The following GRIN3A variants were observed in gnomAD, a reference collection of about 807,000 sequenced individuals.
GRIN3A encodes glutamate receptor ionotropic, NMDA 3A.
Under a neutral mutation model 92.4 loss-of-function variants are expected in GRIN3A, and 47 were observed. The observed-to-expected ratio is 0.51, with a 90% CI of 0.40 to 0.65. The LOEUF (loss-of-function observed/expected upper bound fraction) is 0.65. Ranked by LOEUF, GRIN3A falls within the 30% of genes least tolerant of loss-of-function variation. The probability of loss-of-function intolerance (pLI) is 0.00; values close to 1 mark genes in which losing one functional copy is unlikely to be tolerated. For synonymous variants in GRIN3A, 527 were observed against 540.6 expected, an observed-to-expected ratio of 0.97 and a Z score of 0.35; for missense variants, 1,324 against 1,393.1, an observed-to-expected ratio of 0.95 and a Z score of 0.79.
chr9:101,689,730 GCACACACACACATACA>G (rs1829589275), intron 1 of GRIN3A, among the ~76,000 whole-genome samples: 1 of 138,930 alleles, frequency 7.2e-6, no homozygotes, highest in African/African-American at 2.6e-5. Context: ...GCATACACAT[GCACACACACACATACA>G]CACACACACA....
chr9:101,592,322 C>G (rs1828040674), intron 6 of GRIN3A: 1 of 152,138 alleles, frequency 6.6e-6, no homozygotes, highest in African/African-American at 2.4e-5. Context: ...GTCTCCTTTA[C>G]ATATTGATCT....
At chr9:101,588,319 T>C (rs1827974818) in intron 6 of GRIN3A, among the ~76,000 whole-genome samples, 1 of 152,192 alleles carries the variant, frequency 6.6e-6, no homozygotes, top group African/African-American at 2.4e-5. Flanking sequence ...AGGGAGACAC[T>C]GCATGAGCCT....
intron 3 of GRIN3A, among the ~76,000 whole-genome samples, chr9:101,647,534 T>G (rs1263636357): frequency 6.6e-6 from 1 of 152,006 alleles, no homozygotes; most frequent in Non-Finnish European, 1.5e-5. Context: ...AATTATTTCC[T>G]TCTCTTCAAT....
At chr9:101,642,981 A>G (rs1746802188) in intron 3 of GRIN3A, among the ~76,000 whole-genome samples, 1 of 152,132 alleles carries the variant, frequency 6.6e-6, no homozygotes, top group Non-Finnish European at 1.5e-5. Flanking sequence ...TGTAGAAATT[A>G]TTTCATTATA....
chr9:101,600,494 T>C (rs1406794384), intron 6 of GRIN3A, among the ~76,000 whole-genome samples: 2 of 151,906 alleles, frequency 1.3e-5, no homozygotes, highest in Non-Finnish European at 2.9e-5. Context: ...CTGCCTTGAG[T>C]GTTACAGATG....
At chr9:101,689,773 C>CACAT (rs1361524296) in intron 1 of GRIN3A, among the ~76,000 whole-genome samples, 1 of 146,356 alleles carries the variant, frequency 6.8e-6, no homozygotes, top group African/African-American at 2.5e-5. Context: ...CACACACACA[C>CACAT]AAAGATTATG....
intron 8 of GRIN3A, 70 bp from the exon 9 acceptor site, chr9:101,573,583 G>A (rs762768971): frequency 3.0e-5 from 37 of 1,231,804 alleles, no homozygotes; most frequent in Non-Finnish European, 4.3e-5. Context: ...TCATCTGTTA[G>A]CCATTTCCTG....
At chr9:101,729,702 C>T (rs1337682) in intron 1 of GRIN3A, among the ~76,000 whole-genome samples, 118,009 of 152,074 alleles carry the variant, frequency 0.78, 46,069 homozygotes, top group African/African-American at 0.87. Flanking sequence ...TGGAACTCTT[C>T]CAGGTACTCA....
At chr9:101,604,240 GA>G (rs1828248004) in intron 6 of GRIN3A, among the ~76,000 whole-genome samples, 1 of 152,124 alleles carries the variant, frequency 6.6e-6, no homozygotes. Flanking sequence ...GAAAGACAAG[GA>G]AGAAAAGGGA....
rs922238359 is a variant in GRIN3A, at chr9:101,594,242, A to C, written c.2767-14882T>G. 4.4e-5 allele frequency: 37 copies of C among 832,376 alleles called. No homozygotes were observed. The African/African-American group carries it at 5.2e-4, about 12-fold the overall frequency. 51.6% of individuals were successfully genotyped at this position (832,376 alleles called of 1,614,324 possible). On this transcript the variant is annotated intron_variant, in intron 6 of 8. Transcript: ENST00000361820. ...GGTACCCTGAGTCATTCAGAGAAGG[A>C]GAATTAATAGCACTGAGTTGGTGAT...
At chr9:101,582,358 A>G (rs1827898355) in intron 6 of GRIN3A, among the ~76,000 whole-genome samples, 2 of 152,160 alleles carry the variant, frequency 1.3e-5, no homozygotes, top group Admixed American at 1.3e-4. Context: ...CTAGAAAAGG[A>G]AAGACTAGAG....
intron 3 of GRIN3A, among the ~76,000 whole-genome samples, chr9:101,669,428 G>C (rs570329774): frequency 1.3e-5 from 2 of 152,158 alleles, no homozygotes; most frequent in South Asian, 2.1e-4. Flanking sequence ...AAATCTTCTT[G>C]AATGTCCTTG....
At chr9:101,638,896 A>G (rs1272612771) in intron 3 of GRIN3A, among the ~76,000 whole-genome samples, 1 of 152,210 alleles carries the variant, frequency 6.6e-6, no homozygotes, top group African/African-American at 2.4e-5. Flanking sequence ...GCCATTGTAC[A>G]TGTAGCCAAC....
intron 5 of GRIN3A, among the ~76,000 whole-genome samples, chr9:101,616,728 C>G (rs1386409495): frequency 8.5e-5 from 9 of 106,262 alleles, no homozygotes. Flanking sequence ...ATATCACACT[C>G]TGGGGACTGT....
chr9:101,602,225 C>T (rs1404252608), intron 6 of GRIN3A, among the ~76,000 whole-genome samples: 1 of 152,186 alleles, frequency 6.6e-6, no homozygotes, highest in African/African-American at 2.4e-5. Flanking sequence ...TCCTCAGATA[C>T]CCTGGAGGAA....
intron 3 of GRIN3A, among the ~76,000 whole-genome samples, chr9:101,652,774 AT>A (rs569019103): frequency 2.6e-5 from 4 of 152,010 alleles, no homozygotes; most frequent in Non-Finnish European, 5.9e-5. Context: ...TTCTATCAGC[AT>A]TTGGGTTTTA....
At chr9:101,727,562 CTT>C (rs11405788) in intron 1 of GRIN3A, among the ~76,000 whole-genome samples, 1 of 151,978 alleles carries the variant, frequency 6.6e-6, no homozygotes, top group Admixed American at 6.6e-5. Context: ...GTTAGTAAGA[CTT>C]TATCTCATTT....
chr9:101,609,080 A>G (rs1828322689), intron 6 of GRIN3A, among the ~76,000 whole-genome samples: 1 of 152,210 alleles, frequency 6.6e-6, no homozygotes, highest in South Asian at 2.1e-4. Context: ...TTAGGCCTTC[A>G]CGCTTCGTGA....
At chr9:101,686,523 C>A in intron 2 of GRIN3A, 73 bp downstream of exon 2, 1 of 1,533,924 alleles carries the variant, frequency 6.5e-7, no homozygotes, top group Non-Finnish European at 9.0e-7. Context: ...TTCTGCAAAG[C>A]GGACAGATAG....
Sources: allele counts gnomAD v4.1 joint callset (sites outside exome capture counted in the v4.1 genomes callset), GRCh38; gene constraint gnomAD v4.1.1; transcripts MANE v1.5; gene names NCBI Gene and HGNC (gene_info 2026-07-23, HGNC 2026-07-21).